HSD17B4: variants seen among roughly 807,000 people sequenced by gnomAD.
The protein encoded by HSD17B4 is peroxisomal multifunctional enzyme type 2.
HSD17B4 carries 70 observed loss-of-function variants against 101.0 expected under a neutral mutation model. The ratio of observed to expected loss-of-function variants is 0.69; its 90% CI spans 0.57 to 0.85. HSD17B4 has a LOEUF of 0.85. Ranked by LOEUF, HSD17B4 falls within the 40% of genes least tolerant of loss-of-function variation. The pLI is 0.00. For missense variants in HSD17B4, 984 were observed against 892.4 expected, an observed-to-expected ratio of 1.10 and a Z score of -1.31; for synonymous variants, 347 against 297.1, an observed-to-expected ratio of 1.17 and a Z score of -1.73.
chr5:119,505,463 C>T (rs1290267096), intron 14 of HSD17B4, among the ~76,000 whole-genome samples: 2 of 152,048 alleles, frequency 1.3e-5, no homozygotes, highest in African/African-American at 2.4e-5. Flanking sequence ...CTTACACCAC[C>T]TTGATTAGAT....
At chr5:119,516,079 T>C (rs904307758) in intron 17 of HSD17B4, among the ~76,000 whole-genome samples, 1 of 152,214 alleles carries the variant, frequency 6.6e-6, no homozygotes, top group Non-Finnish European at 1.5e-5. Context: ...TCCTAGCAAA[T>C]AGAATTGTAA....
intron 2 of HSD17B4, among the ~76,000 whole-genome samples, chr5:119,473,554 C>T (rs1336341970): frequency 1.3e-5 from 2 of 151,936 alleles, no homozygotes; most frequent in East Asian, 3.9e-4. Flanking sequence ...GACTCCTGAG[C>T]TCAGGTAGTC....
At chr5:119,484,004 C>T (rs1017329560) in intron 8 of HSD17B4, among the ~76,000 whole-genome samples, 1 of 152,090 alleles carries the variant, frequency 6.6e-6, no homozygotes, top group Non-Finnish European at 1.5e-5. Context: ...GTTGTTATAG[C>T]TCTTAAGTTT....
intron 8 of HSD17B4, among the ~76,000 whole-genome samples, chr5:119,479,990 C>T (rs1356330423): frequency 1.3e-5 from 2 of 152,096 alleles, no homozygotes; most frequent in Non-Finnish European, 2.9e-5. Context: ...GCTTCACATC[C>T]TCGCCAGCAT....
chr5:119,509,304 T>C, intron 16 of HSD17B4, 60 bp downstream of exon 16: 3 of 1,033,442 alleles, frequency 2.9e-6, no homozygotes, highest in Non-Finnish European at 4.6e-6. Context: ...CCTATACAAT[T>C]GAGACTTGAA....
intron 2 of HSD17B4, among the ~76,000 whole-genome samples, chr5:119,458,637 T>C (rs944961133): frequency 6.6e-6 from 1 of 152,122 alleles, no homozygotes; most frequent in Admixed American, 6.6e-5. Context: ...AAGGAAATCA[T>C]TTGGCTAAGC....
intron 8 of HSD17B4, among the ~76,000 whole-genome samples, chr5:119,484,423 T>C (rs1024559249): frequency 1.3e-5 from 2 of 152,182 alleles, no homozygotes; most frequent in African/African-American, 4.8e-5. Flanking sequence ...AGTTTTATAT[T>C]AAGTCTTGGA....
chr5:119,474,508 C>T (rs757457692), intron 4 of HSD17B4, 48 bp downstream of exon 4: 11 of 1,096,478 alleles, frequency 1.0e-5, no homozygotes, highest in Non-Finnish European at 1.3e-5. Context: ...TTCTACCTTC[C>T]TAATGAAATA....
At chr5:119,531,595 GTT>G (rs1754121371) in intron 22 of HSD17B4, among the ~76,000 whole-genome samples, 191 bp downstream of exon 22, 2 of 151,076 alleles carry the variant, frequency 1.3e-5, no homozygotes, top group African/African-American at 4.9e-5. Flanking sequence ...GTGTGTGTGT[GTT>G]TGTGTGTGTG....
chr5:119,525,272 TG>T lies in HSD17B4; in HGVS notation c.1561del (p.Ala521LeufsTer3). 1 of 1,609,542 alleles carries T rather than the reference TG, an allele frequency of 6.2e-7. No homozygotes were observed. The highest frequency in any genetic ancestry group is 1.1e-5 in the South Asian group (1 of 90,988). On this transcript the variant is annotated frameshift_variant, in exon 18 of 24. Coordinates refer to ENST00000510025, the MANE Select transcript of HSD17B4 (RefSeq NM_000414.4). LOFTEE classifies it high-confidence loss of function. ...WNPLHIDPNFASLAGFDKPIL... is the reference protein window; with the variant it reads ...WNPLHIDPNFXSLAGFDKPIL... ...ATCCCTTACACATTGATCCTAACTT[TG>T]CTAGTCTAGCAGGTGAGTTGTCTTT...
intron 2 of HSD17B4, among the ~76,000 whole-genome samples, chr5:119,462,153 A>C: frequency 6.7e-6 from 1 of 149,234 alleles, no homozygotes; most frequent in African/African-American, 2.5e-5. Context: ...ACCCTTGACT[A>C]TCATAGTCTT....
intron 16 of HSD17B4, 59 bp downstream of exon 16, chr5:119,509,303 T>G (rs887640608): frequency 1.9e-6 from 2 of 1,030,426 alleles, no homozygotes; most frequent in Admixed American, 3.4e-5. Flanking sequence ...ACCTATACAA[T>G]TGAGACTTGA....
At chr5:119,452,797 C>T (rs750657035) in intron 1 of HSD17B4, 164 bp downstream of exon 1, 4 of 1,542,322 alleles carry the variant, frequency 2.6e-6, no homozygotes, top group Non-Finnish European at 3.5e-6. Flanking sequence ...AGGAAAGAGC[C>T]GGAAACACCT....
chr5:119,510,154 G>C (rs756033807), intron 16 of HSD17B4, among the ~76,000 whole-genome samples: 3 of 152,046 alleles, frequency 2.0e-5, no homozygotes, highest in Non-Finnish European at 4.4e-5. Context: ...TATATTCTCT[G>C]TACAACATAT....
At chr5:119,470,988 C>T (rs1043352786) in intron 2 of HSD17B4, among the ~76,000 whole-genome samples, 42 of 152,094 alleles carry the variant, frequency 2.8e-4, no homozygotes, top group African/African-American at 8.2e-4. Context: ...ATTATTTATC[C>T]AGCTTTCAAT....
intron 1 of HSD17B4, among the ~76,000 whole-genome samples, chr5:119,454,799 T>C (rs1300958539): frequency 6.6e-6 from 1 of 151,932 alleles, no homozygotes; most frequent in Non-Finnish European, 1.5e-5. Flanking sequence ...TTTTTGTGGT[T>C]TGAATAGAGA....
chr5:119,507,278 G>A (rs1751741921), intron 15 of HSD17B4, among the ~76,000 whole-genome samples: 1 of 152,122 alleles, frequency 6.6e-6, no homozygotes, highest in South Asian at 2.1e-4. Context: ...TAGCTATTTG[G>A]AACTTGGAAC....
chr5:119,525,101 C>G (rs947673793), intron 17 of HSD17B4, 115 bp from the exon 18 acceptor site: 2 of 693,110 alleles, frequency 2.9e-6, no homozygotes, highest in Non-Finnish European at 2.6e-6. Context: ...AAATCAGAGC[C>G]TCAGGTACAT....
chr5:119,459,148 AC>A (rs1165829143), intron 2 of HSD17B4, among the ~76,000 whole-genome samples: 1 of 152,094 alleles, frequency 6.6e-6, no homozygotes, highest in African/African-American at 2.4e-5. Flanking sequence ...ATTGTTTTTA[AC>A]CCCTATGGGA....
Sources: gnomAD v4.1 joint callset for allele counts (sites outside exome capture counted in the v4.1 genomes callset) on GRCh38, gnomAD v4.1.1 for gene constraint, MANE v1.5 for transcripts, NCBI Gene and HGNC (gene_info 2026-07-23, HGNC 2026-07-21) for gene names.